CCSER2: variants seen among roughly 807,000 people sequenced by gnomAD.
CCSER2 encodes serine-rich coiled-coil domain-containing protein 2.
A neutral mutation model predicts 92.3 loss-of-function variants in CCSER2; 46 were observed. That is an observed-to-expected ratio of 0.50 (90% confidence interval 0.39 to 0.64). The LOEUF is 0.64. CCSER2 is among the 30% of genes least tolerant of loss of function. The pLI is 0.00. For missense variants in CCSER2, 1,244 were observed against 1,238.9 expected, an observed-to-expected ratio of 1.00 and a Z score of -0.06; for synonymous variants, 433 against 431.4, an observed-to-expected ratio of 1.00 and a Z score of -0.04.
intron 3 of CCSER2, among the ~76,000 whole-genome samples, chr10:84,407,634 T>C (rs1411985633): frequency 6.6e-6 from 1 of 152,248 alleles, no homozygotes; most frequent in African/African-American, 2.4e-5. Context: ...AACTGGTTTT[T>C]CTGTCTCACT....
In CCSER2 at chr10:84,340,003, G is replaced by C. The variant is rs185735418; in HGVS notation, c.-40+11195G>C. ...ATTACAGGTGCATGCCACCACGCCCGGCTAATTTTTTATATTTTTAGCAGA... is the reference window on the plus strand; with the variant it reads ...ATTACAGGTGCATGCCACCACGCCCCGCTAATTTTTTATATTTTTAGCAGA... On this transcript the variant is annotated intron_variant, in intron 1 of 9. Coordinates refer to ENST00000372088, the MANE Select transcript of CCSER2 (RefSeq NM_001284240.2). 5.2e-4 allele frequency among the ~76,000 whole-genome samples: 79 copies of C among 151,940 alleles called. No individual in the cohort carries two copies. In the East Asian group the frequency reaches 0.012, roughly 22 times the overall value.
rs1321847658 is a variant in CCSER2 at position 84,513,821 on chromosome 10, G to T, written c.2698G>T (p.Ala900Ser). 1.3e-6 allele frequency: 2 copies of T among 1,536,156 alleles called. No individual in the cohort carries two copies. The highest frequency in any genetic ancestry group is 2.7e-5 in the African/African-American group (2 of 73,032). ...TPPESSTVDQ[A>S]KRVGRNQSPP... ...TCCCGAGTCAAGTACAGTAGACCAG[G>T]CTAAGAGAGTTGGAAGAAATCAGTC... The change falls in exon 10 of 10, where the codon GCT (alanine) becomes TCT (serine). Residue 900 changes from alanine to serine, a missense_variant. By Grantham distance (99) the Ala-to-Ser change is moderately conservative. Coordinates refer to ENST00000372088, the MANE Select transcript of CCSER2 (RefSeq NM_001284240.2).
intron 9 of CCSER2, among the ~76,000 whole-genome samples, chr10:84,508,202 A>G (rs1849165357): frequency 6.6e-6 from 1 of 152,234 alleles, no homozygotes; most frequent in Non-Finnish European, 1.5e-5. Flanking sequence ...TTATAGAAAG[A>G]AAAGAACAGT....
chr10:84,362,898 G>A (rs1013232723), intron 1 of CCSER2, among the ~76,000 whole-genome samples: 16 of 151,740 alleles, frequency 1.1e-4, no homozygotes, highest in Admixed American at 9.8e-4. Flanking sequence ...GTGCAATGGC[G>A]CAATCTCCGG....
intron 3 of CCSER2, among the ~76,000 whole-genome samples, chr10:84,401,701 C>T (rs1234840388): frequency 6.6e-6 from 1 of 152,160 alleles, no homozygotes; most frequent in African/African-American, 2.4e-5. Flanking sequence ...CAGCAATAAC[C>T]TCACACTAAA....
At chr10:84,422,252 C>G (rs1468654020) in intron 4 of CCSER2, among the ~76,000 whole-genome samples, 3 of 152,176 alleles carry the variant, frequency 2.0e-5, no homozygotes, top group Non-Finnish European at 1.5e-5. Context: ...AAGTGCCACA[C>G]TTTGTAGTAT....
In CCSER2 at chr10:84,518,297, A is replaced by G. The variant is rs1849662773; in HGVS notation, c.*4030A>G. ...CCACTTTCTCCTTGGTAAAGCGTTT[A>G]CTTAACAAAATAATACCCGAGAATG... On this transcript the variant is annotated 3_prime_UTR_variant, in exon 10 of 10. Transcript: ENST00000372088. 1 of 152,648 alleles carries G rather than the reference A, an allele frequency of 6.6e-6. No individual in the cohort carries two copies. The highest frequency in any genetic ancestry group is 1.5e-5 in the Non-Finnish European group (1 of 68,044). 9.5% of individuals were successfully genotyped at this position (152,648 alleles called of 1,614,324 possible).
intron 3 of CCSER2, among the ~76,000 whole-genome samples, chr10:84,380,149 C>T (rs1840816879): frequency 6.6e-6 from 1 of 152,176 alleles, no homozygotes; most frequent in Admixed American, 6.5e-5. Flanking sequence ...CATCTGAACC[C>T]CATATGTCGT....
intron 3 of CCSER2, among the ~76,000 whole-genome samples, chr10:84,399,760 T>C (rs575122531): frequency 7.8e-4 from 118 of 151,882 alleles, no homozygotes; most frequent in Middle Eastern, 3.4e-3. Flanking sequence ...CTCTTTGTTT[T>C]CATTTATTTT....
At chr10:84,341,732 T>C (rs1054616278) in intron 1 of CCSER2, among the ~76,000 whole-genome samples, 1 of 152,176 alleles carries the variant, frequency 6.6e-6, no homozygotes, top group Non-Finnish European at 1.5e-5. Context: ...CAGCCATAAA[T>C]TGGGGTTCCC....
intron 7 of CCSER2, among the ~76,000 whole-genome samples, chr10:84,465,621 C>T (rs769323579): frequency 2.0e-5 from 3 of 151,818 alleles, no homozygotes; most frequent in African/African-American, 4.8e-5. Flanking sequence ...CCATCGCACC[C>T]GGACAAGAAA....
chr10:84,344,055 T>G (rs1258694268), intron 1 of CCSER2, among the ~76,000 whole-genome samples: 1 of 152,262 alleles, frequency 6.6e-6, no homozygotes, highest in Non-Finnish European at 1.5e-5. Context: ...TGTGGTAACT[T>G]AATCACTGTA....
intron 9 of CCSER2, among the ~76,000 whole-genome samples, chr10:84,512,829 A>G (rs1849432926): frequency 6.6e-6 from 1 of 152,360 alleles, no homozygotes; most frequent in East Asian, 1.9e-4. Context: ...ATAAACTTTG[A>G]AACATTTTAT....
At chr10:84,457,452 A>G (rs1231999970) in intron 6 of CCSER2, among the ~76,000 whole-genome samples, 1 of 109,664 alleles carries the variant, frequency 9.1e-6, no homozygotes, top group Non-Finnish European at 1.7e-5. Flanking sequence ...AATACATATT[A>G]TAAAATATAT....
At chr10:84,476,331 A>G (rs955049989) in intron 8 of CCSER2, among the ~76,000 whole-genome samples, 2 of 152,130 alleles carry the variant, frequency 1.3e-5, no homozygotes, top group African/African-American at 2.4e-5. Context: ...GGAATAATCA[A>G]GAATTTTTTA....
chr10:84,432,963 A>G (rs1308174706), intron 5 of CCSER2, among the ~76,000 whole-genome samples: 2 of 152,188 alleles, frequency 1.3e-5, no homozygotes, highest in Non-Finnish European at 2.9e-5. Flanking sequence ...TGAAAAGACT[A>G]TCTTTTATAC....
At chr10:84,375,531 GTTTGTT>G (rs1846282575) in intron 3 of CCSER2, among the ~76,000 whole-genome samples, 1 of 93,864 alleles carries the variant, frequency 1.1e-5, no homozygotes, top group Admixed American at 1.5e-4. Flanking sequence ...AGAATTGTTG[GTTTGTT>G]TTTTTTTTTT....
At chr10:84,469,382 A>C (rs948667779) in intron 7 of CCSER2, among the ~76,000 whole-genome samples, 1 of 152,142 alleles carries the variant, frequency 6.6e-6, no homozygotes, top group Non-Finnish European at 1.5e-5. Context: ...TATAGTGTAC[A>C]TAATAGCATT....
intron 3 of CCSER2, among the ~76,000 whole-genome samples, chr10:84,388,054 G>A (rs555471384): frequency 4.2e-4 from 64 of 152,004 alleles, no homozygotes; most frequent in Non-Finnish European, 1.3e-4. Context: ...TAGTAGAGAC[G>A]TGGTTTCACC....
Sources: gnomAD v4.1 joint callset for allele counts (sites outside exome capture counted in the v4.1 genomes callset) on GRCh38, gnomAD v4.1.1 for gene constraint, MANE v1.5 for transcripts, NCBI Gene and HGNC (gene_info 2026-07-23, HGNC 2026-07-21) for gene names.